Variants in GRB10 observed in about 807,000 individuals in gnomAD.
GRB10 encodes growth factor receptor bound protein 10.
GRB10 carries 20 observed loss-of-function variants against 80.9 expected under a neutral mutation model. The ratio of observed to expected loss-of-function variants is 0.25; its 90% CI spans 0.17 to 0.36. GRB10 has a LOEUF of 0.36. Ranked by LOEUF, GRB10 falls within the 10% of genes least tolerant of loss-of-function variation. The probability of loss-of-function intolerance (pLI) is 1.00; values close to 1 mark genes in which losing one functional copy is unlikely to be tolerated. For missense variants in GRB10, 548 were observed against 747.7 expected, an observed-to-expected ratio of 0.73 and a Z score of 3.12; for synonymous variants, 291 against 291.5, an observed-to-expected ratio of 1.00 and a Z score of 0.02.
intron 7 of GRB10, among the ~76,000 whole-genome samples, chr7:50,637,439 C>A (rs898955760): frequency 4.1e-5 from 6 of 145,198 alleles, no homozygotes; most frequent in African/African-American, 1.7e-4. Flanking sequence ...AAAATGGCCA[C>A]ACACACACAC....
At chr7:50,706,408 C>A (rs142312429) in intron 4 of GRB10, among the ~76,000 whole-genome samples, 6 of 152,148 alleles carry the variant, frequency 3.9e-5, no homozygotes, top group African/African-American at 1.4e-4. Flanking sequence ...GCTTAGGATC[C>A]CTAGAAGTAG....
chr7:50,740,792 TCTC>T (rs1407397939), intron 3 of GRB10, among the ~76,000 whole-genome samples: 1 of 150,230 alleles, frequency 6.7e-6, no homozygotes, highest in Non-Finnish European at 1.5e-5. Context: ...GTCATCCAAT[TCTC>T]CTTTTCAAAA....
intron 3 of GRB10, among the ~76,000 whole-genome samples, chr7:50,735,884 G>GAACAA: frequency 6.6e-6 from 1 of 152,254 alleles, no homozygotes; most frequent in South Asian, 2.1e-4. Context: ...AAACAAAACA[G>GAACAA]AACAAAACAA....
chr7:50,698,512 C>A (rs1471574888), intron 5 of GRB10, among the ~76,000 whole-genome samples: 1 of 152,210 alleles, frequency 6.6e-6, no homozygotes, highest in Admixed American at 6.5e-5. Context: ...GTAGAATACG[C>A]AGCAGGGTTC....
rs373825071 is a variant in GRB10 at position 50,757,753 on chromosome 7, G to A, written c.-216-1697C>T. 3.9e-5 allele frequency among the ~76,000 whole-genome samples: 6 copies of A among 152,254 alleles called. No individual in the cohort carries two copies. The East Asian group carries it at 7.7e-4, about 20-fold the overall frequency. Reference sequence around the variant, plus strand: ...TGGGAACACTGGGAAATGGACTTACGGTCACCATCACAACAGCATACGAAT... The same window carrying A: ...TGGGAACACTGGGAAATGGACTTACAGTCACCATCACAACAGCATACGAAT... On this transcript the variant is annotated intron_variant, in intron 2 of 18. Transcript: ENST00000401949.
At chr7:50,756,802 A>G (rs972768249) in intron 2 of GRB10, among the ~76,000 whole-genome samples, 3 of 152,132 alleles carry the variant, frequency 2.0e-5, no homozygotes, top group Admixed American at 6.5e-5. Flanking sequence ...GATGAAACCC[A>G]CCTCACTGAG....
intron 7 of GRB10, among the ~76,000 whole-genome samples, chr7:50,667,004 C>T (rs2059884419): frequency 7.1e-6 from 1 of 140,842 alleles, no homozygotes; most frequent in Middle Eastern, 4.5e-3. Flanking sequence ...TGCGCCACTG[C>T]ACTCCAGCAG....
intron 1 of GRB10, among the ~76,000 whole-genome samples, chr7:50,792,122 G>C (rs1225580510): frequency 1.3e-5 from 2 of 152,148 alleles, no homozygotes; most frequent in Non-Finnish European, 2.9e-5. Context: ...CCAAACGGCT[G>C]AATCAGCATT....
At chr7:50,779,328 T>C (rs768499007) in intron 2 of GRB10, 1 of 152,208 alleles carries the variant, frequency 6.6e-6, no homozygotes, top group Non-Finnish European at 1.5e-5. Context: ...TGCATTTTAT[T>C]ATCAGCCCCA....
chr7:50,606,258 G>T, intron 14 of GRB10, 79 bp downstream of exon 14: 2 of 1,129,916 alleles, frequency 1.8e-6, no homozygotes, highest in Non-Finnish European at 2.7e-6. Context: ...CCCACCCTGT[G>T]TGAAATGAGG....
intron 2 of GRB10, among the ~76,000 whole-genome samples, chr7:50,777,097 A>G (rs540651811): frequency 6.6e-6 from 1 of 152,250 alleles, no homozygotes; most frequent in Admixed American, 6.5e-5. Context: ...TAAATAATAG[A>G]AATTTACTTC....
At chr7:50,633,110 G>T (rs1378403881) in intron 7 of GRB10, among the ~76,000 whole-genome samples, 2 of 152,196 alleles carry the variant, frequency 1.3e-5, no homozygotes, top group Non-Finnish European at 1.5e-5. Flanking sequence ...CTGGCCTGTA[G>T]GGTGAACTGC....
chr7:50,673,276 A>G (rs2060549305), intron 6 of GRB10, among the ~76,000 whole-genome samples: 1 of 152,186 alleles, frequency 6.6e-6, no homozygotes, highest in Non-Finnish European at 1.5e-5. Context: ...AAAGGCCCAG[A>G]GAGGCACGCA....
chr7:50,715,461 C>T (rs899138563), intron 4 of GRB10, among the ~76,000 whole-genome samples: 1 of 152,190 alleles, frequency 6.6e-6, no homozygotes, highest in Admixed American at 6.5e-5. Context: ...ACAGCAGGAA[C>T]AATTGGTGGA....
At chr7:50,628,841 G>T (rs1175450972) in intron 7 of GRB10, among the ~76,000 whole-genome samples, 1 of 152,124 alleles carries the variant, frequency 6.6e-6, no homozygotes, top group Non-Finnish European at 1.5e-5. Flanking sequence ...GTCACTCAAT[G>T]AAAGTATACT....
intron 5 of GRB10, among the ~76,000 whole-genome samples, chr7:50,687,661 T>A (rs930972558): frequency 6.6e-6 from 1 of 152,182 alleles, no homozygotes; most frequent in East Asian, 1.9e-4. Flanking sequence ...CCGCATGGTG[T>A]CTACAAAACA....
rs1029421039 is a variant in GRB10 at position 50,590,253 on chromosome 7, C to T, written c.*2699G>A. 1.3e-5 allele frequency: 2 copies of T among 152,196 alleles called. No individual in the cohort carries two copies. The highest frequency in any genetic ancestry group is 6.5e-5 in the Admixed American group (1 of 15,276). The allele number at this position is 152,196 out of a possible 1,614,324, so 9.4% of individuals were successfully genotyped here. On this transcript the variant is annotated 3_prime_UTR_variant, in exon 19 of 19. Transcript: ENST00000401949. ...TAATACCTTCTGCATTCCCTGAAAA[C>T]GTTTATACACGCCAGGCCAATTTAC...
chr7:50,668,461 C>T (rs2237470), intron 7 of GRB10, among the ~76,000 whole-genome samples: 97,722 of 151,988 alleles, frequency 0.64, 31,666 homozygotes, highest in African/African-American at 0.69. Context: ...ATTCTGAGGC[C>T]GGGTCACACT....
chr7:50,687,520 TTGC>T, intron 5 of GRB10, among the ~76,000 whole-genome samples: 1 of 152,286 alleles, frequency 6.6e-6, no homozygotes, highest in East Asian at 1.9e-4. Flanking sequence ...CAGCCACCTC[TTGC>T]ATGCACGCTT....
Sources: gnomAD v4.1 joint callset for allele counts (sites outside exome capture counted in the v4.1 genomes callset) on GRCh38, gnomAD v4.1.1 for gene constraint, MANE v1.5 for transcripts, NCBI Gene and HGNC (gene_info 2026-07-23, HGNC 2026-07-21) for gene names.